The following ROBO1 variants were observed in gnomAD, a reference collection of about 807,000 sequenced individuals.
ROBO1 encodes roundabout guidance receptor 1.
In ROBO1, 149 loss-of-function variants were observed where a neutral mutation model predicts 195.9. The ratio of observed to expected loss-of-function variants is 0.76; its 90% CI spans 0.67 to 0.87. ROBO1 has a LOEUF of 0.87. Ranked by LOEUF, ROBO1 falls within the 40% of genes least tolerant of loss-of-function variation. ROBO1 has a pLI of 0.00. For missense variants in ROBO1, 1,933 were observed against 2,068.3 expected (o/e 0.93, Z 1.27); for synonymous variants, 816 against 733.2 (o/e 1.11, Z -1.82).
intron 3 of ROBO1, among the ~76,000 whole-genome samples, chr3:79,004,034 C>T (rs534016217): frequency 1.3e-5 from 2 of 152,102 alleles, no homozygotes; most frequent in Non-Finnish European, 2.9e-5. Flanking sequence ...ATAGAAAACC[C>T]ATAGAAAAAT....
rs199569863 is a variant in ROBO1 at position 79,087,221 on chromosome 3, AAC to A, written c.172+38233_172+38234del. 3.2e-3 allele frequency among the ~76,000 whole-genome samples: 489 copies of A among 152,238 alleles called. 2 individuals carry two copies. The highest frequency in any genetic ancestry group is 0.01 in the African/African-American group (435 of 41,554). ...AGAAAAACTGAAAAATAAATTAAAA[AAC>A]AGTCAAAGGATTTTCCTTAATTTTA... On this transcript the variant is annotated intron_variant, in intron 3 of 30. Coordinates refer to ENST00000464233, the MANE Select transcript of ROBO1 (RefSeq NM_002941.4).
At chr3:78,771,141 G>A (rs1576130534) in intron 4 of ROBO1, among the ~76,000 whole-genome samples, 1 of 152,150 alleles carries the variant, frequency 6.6e-6, no homozygotes, top group African/African-American at 2.4e-5. Flanking sequence ...GTTTCACATT[G>A]ATTGAATAGG....
intron 2 of ROBO1, among the ~76,000 whole-genome samples, chr3:79,575,543 A>G (rs1943457370): frequency 7.1e-6 from 1 of 140,806 alleles, no homozygotes; most frequent in Admixed American, 7.6e-5. Context: ...AAATATATAT[A>G]AATATATATA....
intron 2 of ROBO1, among the ~76,000 whole-genome samples, chr3:79,455,979 C>T (rs2039607729): frequency 6.6e-6 from 1 of 152,080 alleles, no homozygotes; most frequent in African/African-American, 2.4e-5. Flanking sequence ...TCTATGTATC[C>T]TGTGGGCACC....
intron 4 of ROBO1, among the ~76,000 whole-genome samples, chr3:78,779,005 A>G (rs1315318664): frequency 6.6e-6 from 1 of 152,332 alleles, no homozygotes; most frequent in Non-Finnish European, 1.5e-5. Context: ...AGCAATGGGG[A>G]AAGGATTCCC....
chr3:79,634,926 T>A (rs1945453346), intron 1 of ROBO1, among the ~76,000 whole-genome samples: 1 of 152,156 alleles, frequency 6.6e-6, no homozygotes, highest in African/African-American at 2.4e-5. Context: ...GAGAAAATAA[T>A]GAGTTAATGT....
At chr3:79,740,554 G>A (rs1703600477) in intron 1 of ROBO1, among the ~76,000 whole-genome samples, 1 of 152,042 alleles carries the variant, frequency 6.6e-6, no homozygotes, top group Admixed American at 6.6e-5. Context: ...TTCACAGGGT[G>A]GCAGGACTGA....
chr3:79,552,744 C>T (rs180771934), intron 2 of ROBO1, among the ~76,000 whole-genome samples: 80 of 152,098 alleles, frequency 5.3e-4, no homozygotes, highest in African/African-American at 1.5e-3. Context: ...CAGATAATTT[C>T]GGTTTGTTAG....
At chr3:79,082,032 C>T (rs1414179647) in intron 3 of ROBO1, among the ~76,000 whole-genome samples, 2 of 152,038 alleles carry the variant, frequency 1.3e-5, no homozygotes, top group African/African-American at 4.8e-5. Context: ...TTATCATTCA[C>T]TATTAGAAAT....
chr3:79,081,057 A>C (rs2079264226), intron 3 of ROBO1, among the ~76,000 whole-genome samples: 1 of 152,114 alleles, frequency 6.6e-6, no homozygotes, highest in African/African-American at 2.4e-5. Flanking sequence ...TTTCCATAGA[A>C]GAAAATCGAC....
intron 2 of ROBO1, among the ~76,000 whole-genome samples, chr3:79,126,520 A>G (rs1252649956): frequency 6.6e-6 from 1 of 152,200 alleles, no homozygotes; most frequent in Non-Finnish European, 1.5e-5. Context: ...AAGTATGAGC[A>G]GTGTTTATAG....
intron 5 of ROBO1, among the ~76,000 whole-genome samples, chr3:78,725,283 A>T (rs568235063): frequency 6.6e-6 from 1 of 152,352 alleles, no homozygotes; most frequent in Non-Finnish European, 1.5e-5. Context: ...TTTTTGGGAA[A>T]GAGACAGAGA....
At chr3:79,039,033 G>T (rs1372883582) in intron 3 of ROBO1, among the ~76,000 whole-genome samples, 1 of 152,162 alleles carries the variant, frequency 6.6e-6, no homozygotes, top group Non-Finnish European at 1.5e-5. Flanking sequence ...AGAGTTTGTT[G>T]TGTGTGAAGA....
chr3:79,404,351 C>A (rs1299127031), intron 2 of ROBO1, among the ~76,000 whole-genome samples: 1 of 152,070 alleles, frequency 6.6e-6, no homozygotes, highest in Non-Finnish European at 1.5e-5. Context: ...ATCAACTATG[C>A]CTCCTGTCCT....
chr3:79,756,702 T>C (rs1704425300), intron 1 of ROBO1, among the ~76,000 whole-genome samples: 1 of 152,202 alleles, frequency 6.6e-6, no homozygotes, highest in Non-Finnish European at 1.5e-5. Context: ...TTTAACTCAG[T>C]AGTATTAAGT....
chr3:79,325,649 C>G (rs2034176613), intron 2 of ROBO1, among the ~76,000 whole-genome samples: 1 of 152,130 alleles, frequency 6.6e-6, no homozygotes, highest in African/African-American at 2.4e-5. Flanking sequence ...TTATGCCTGT[C>G]TTTACTGCAA....
chr3:79,672,510 A>C (rs1946660941), intron 1 of ROBO1, among the ~76,000 whole-genome samples: 1 of 151,992 alleles, frequency 6.6e-6, no homozygotes, highest in East Asian at 1.9e-4. Flanking sequence ...TATACGAATT[A>C]ATCTGGAAAC....
chr3:79,102,886 T>A (rs1023085076), intron 3 of ROBO1, among the ~76,000 whole-genome samples: 2 of 151,816 alleles, frequency 1.3e-5, no homozygotes, highest in Non-Finnish European at 2.9e-5. Context: ...TTCTTCTAAT[T>A]AAGAATAGTT....
intron 3 of ROBO1, among the ~76,000 whole-genome samples, chr3:79,108,129 T>C (rs2079818298): frequency 6.6e-6 from 1 of 151,744 alleles, no homozygotes; most frequent in South Asian, 2.1e-4. Context: ...TTTAAGTGAA[T>C]ATAGTATGTG....
Sources: allele counts gnomAD v4.1 joint callset (sites outside exome capture counted in the v4.1 genomes callset), GRCh38; gene constraint gnomAD v4.1.1; transcripts MANE v1.5; gene names NCBI Gene and HGNC (gene_info 2026-07-23, HGNC 2026-07-21).